Variants in BTBD9 observed in about 807,000 individuals in gnomAD.
The protein encoded by BTBD9 is BTB/POZ domain-containing protein 9.
BTBD9 carries 49 observed loss-of-function variants against 64.3 expected under a neutral mutation model. That is an observed-to-expected ratio of 0.76 (90% CI 0.61 to 0.97). BTBD9 has a LOEUF of 0.97. Among genes scored for constraint, BTBD9 ranks in the 50% least tolerant of loss-of-function variants. BTBD9 has a pLI of 0.00. For missense variants in BTBD9, 598 were observed against 762.1 expected (o/e 0.78, Z 2.53); for synonymous variants, 260 against 274.7 (o/e 0.95, Z 0.53).
chr6:38,540,798 C>T (rs975260513), intron 6 of BTBD9, among the ~76,000 whole-genome samples: 2 of 152,102 alleles, frequency 1.3e-5, no homozygotes, highest in Non-Finnish European at 2.9e-5. Flanking sequence ...TCACTGGAAG[C>T]GAATGTTAAG....
At chr6:38,583,193 C>T (rs533749041) in intron 4 of BTBD9, among the ~76,000 whole-genome samples, 96 of 152,308 alleles carry the variant, frequency 6.3e-4, no homozygotes, top group African/African-American at 2.2e-3. Flanking sequence ...AGTCCTGACA[C>T]CACAAGTCAA....
At chr6:38,295,104 G>C (rs928187214) in intron 7 of BTBD9, among the ~76,000 whole-genome samples, 1 of 151,848 alleles carries the variant, frequency 6.6e-6, no homozygotes, top group Non-Finnish European at 1.5e-5. Context: ...TCAATTTATT[G>C]AGTTGAAATA....
intron 6 of BTBD9, among the ~76,000 whole-genome samples, chr6:38,420,030 T>C (rs948722437): frequency 6.6e-6 from 1 of 152,124 alleles, no homozygotes; most frequent in East Asian, 1.9e-4. Context: ...AAGGTACTCA[T>C]AAATCTACAA....
chr6:38,286,525 T>C (rs962814350), intron 8 of BTBD9, among the ~76,000 whole-genome samples: 10 of 152,064 alleles, frequency 6.6e-5, no homozygotes, highest in African/African-American at 2.4e-4. Flanking sequence ...CACATACATA[T>C]ATATATAAAC....
chr6:38,562,831 CA>C (rs1775315441), intron 6 of BTBD9, among the ~76,000 whole-genome samples: 1 of 152,150 alleles, frequency 6.6e-6, no homozygotes, highest in Non-Finnish European at 1.5e-5. Context: ...ATTTTGCCAA[CA>C]AGGGGATTGC....
intron 7 of BTBD9, among the ~76,000 whole-genome samples, chr6:38,291,796 T>C (rs767696834): frequency 1.4e-4 from 21 of 152,198 alleles, no homozygotes; most frequent in Non-Finnish European, 2.6e-4. Flanking sequence ...GGATTACGTT[T>C]ATTGATTTGC....
At chr6:38,585,106 T>C (rs1485670311) in intron 4 of BTBD9, among the ~76,000 whole-genome samples, 1 of 151,872 alleles carries the variant, frequency 6.6e-6, no homozygotes, top group Non-Finnish European at 1.5e-5. Flanking sequence ...TGTACTAGAC[T>C]CAGCCCTCCC....
chr6:38,187,509 CAA>C (rs1227589229), intron 10 of BTBD9, among the ~76,000 whole-genome samples: 1 of 152,058 alleles, frequency 6.6e-6, no homozygotes, highest in East Asian at 1.9e-4. Flanking sequence ...GGGAGGAAGA[CAA>C]AGGAGTCGGG....
rs543581663 is a variant in BTBD9, at chr6:38,286,611, GCTTA to G, written c.1454+1657_1454+1660del. On this transcript the variant is annotated intron_variant, in intron 8 of 10. Transcript: ENST00000481247. ...TAAAAAGAAGAGAAGAGAAAAAGCA[GCTTA>G]CTTAAGACCCAGATGGCAATCTTCA... Among the ~76,000 whole-genome samples the G allele has an allele frequency of 3.3e-5, 5 of 152,200 alleles. No individual in the cohort carries two copies. The South Asian group carries it at 1.0e-3, about 32-fold the overall frequency.
intron 6 of BTBD9, among the ~76,000 whole-genome samples, chr6:38,374,142 G>C (rs991697428): frequency 1.3e-5 from 2 of 150,290 alleles, no homozygotes; most frequent in South Asian, 2.1e-4. Flanking sequence ...GGTGGCACAC[G>C]CTTGTAATCC....
Position 38,477,530 on chromosome 6 carries a change from T to A in BTBD9, c.1154+100070A>T, listed in dbSNP as rs1217932130. 7.2e-5 allele frequency among the ~76,000 whole-genome samples: 11 copies of A among 152,312 alleles called. No individual in the cohort carries two copies. In the East Asian group the frequency reaches 2.1e-3, roughly 29 times the overall value. ...ACAGAGTTATCTTTATCTGAAATGC[T>A]TCTAATCCTGTGCTTTGTATTTATA... On this transcript the variant is annotated intron_variant, in intron 6 of 10. Transcript: ENST00000481247.
intron 6 of BTBD9, among the ~76,000 whole-genome samples, chr6:38,486,706 A>C (rs2127386754): frequency 6.6e-6 from 1 of 152,348 alleles, no homozygotes; most frequent in African/African-American, 2.4e-5. Flanking sequence ...CAATAGATAT[A>C]ATAATAATGA....
chr6:38,393,518 A>G (rs1157831484), intron 6 of BTBD9, among the ~76,000 whole-genome samples: 1 of 152,218 alleles, frequency 6.6e-6, no homozygotes, highest in East Asian at 1.9e-4. Context: ...AATAAAAAAA[A>G]AAAAATCTAC....
At chr6:38,597,632 CTT>C in intron 2 of BTBD9, among the ~76,000 whole-genome samples, 1 of 152,188 alleles carries the variant, frequency 6.6e-6, no homozygotes, top group East Asian at 1.9e-4. Context: ...GCAACGAAGA[CTT>C]AGCCTGAGAA....
rs751618739 is a variant in BTBD9 at position 38,592,789 on chromosome 6, C to A, written c.601G>T (p.Asp201Tyr). 2 of 1,614,180 alleles carry A rather than the reference C, an allele frequency of 1.2e-6. No individual in the cohort carries two copies. Among genetic ancestry groups the A allele is most frequent in the East Asian group, 2.2e-5 (1 of 44,888 alleles). ...CAGTTTAATAAGGCTAGGAAAATAT[C>A]TTTTTCGGGAGCTGCAAATGAGTCT... The part of the protein sequence containing the change: ...LRDSFAAPEK[D>Y]IFLALLNWCK... Residue 201 changes from aspartate to tyrosine, a missense_variant, in exon 4 of 11, where the codon GAT becomes TAT. Asp to Tyr is a radical substitution (Grantham distance 160). Coordinates refer to ENST00000481247, the MANE Select transcript of BTBD9 (RefSeq NM_001099272.2).
chr6:38,417,801 A>AGAGAGAGAGAGAGAGAGAG (rs56268245), intron 6 of BTBD9, among the ~76,000 whole-genome samples: 7,119 of 136,410 alleles, frequency 0.052, 342 homozygotes, highest in East Asian at 0.21. Context: ...AGAGAGAGAG[A>AGAGAGAGAGAGAGAGAGAG]AAAAAAATAT....
At chr6:38,592,416 A>G (rs1307061417) in intron 4 of BTBD9, among the ~76,000 whole-genome samples, 160 bp downstream of exon 4, 1 of 152,200 alleles carries the variant, frequency 6.6e-6, no homozygotes, top group African/African-American at 2.4e-5. Context: ...AGGAATTAAC[A>G]GGAAAATGAA....
At position 38,474,779 on chromosome 6, in the gene BTBD9, C is replaced by T. The variant is rs185294131; in HGVS notation, c.1154+102821G>A. The stretch of plus-strand genomic sequence containing the variant: ...ACATAATTACATTCATTTCCAGGGC[C>T]AAATTTTTAGTCCACATCATGATAA... On this transcript the variant is annotated intron_variant, in intron 6 of 10. Transcript: ENST00000481247. 7.4e-4 allele frequency among the ~76,000 whole-genome samples: 113 copies of T among 152,076 alleles called. No individual in the cohort carries two copies. The East Asian group carries it at 0.015, about 20-fold the overall frequency.
intron 8 of BTBD9, among the ~76,000 whole-genome samples, chr6:38,259,657 AC>A (rs2127537164): frequency 6.6e-6 from 1 of 152,150 alleles, no homozygotes; most frequent in South Asian, 2.1e-4. Context: ...GCCTCAAGCT[AC>A]CCTCTCGCCT....
Sources: allele counts gnomAD v4.1 joint callset (sites outside exome capture counted in the v4.1 genomes callset), GRCh38; gene constraint gnomAD v4.1.1; transcripts MANE v1.5; gene names NCBI Gene and HGNC (gene_info 2026-07-23, HGNC 2026-07-21).